DIP2A: variants seen among roughly 807,000 people sequenced by gnomAD.
DIP2A encodes disco-interacting protein 2 homolog A.
DIP2A carries 85 observed loss-of-function variants against 177.4 expected under a neutral mutation model. The observed-to-expected ratio is 0.48, with a 90% CI of 0.40 to 0.57. DIP2A has a LOEUF of 0.57. DIP2A is among the 20% of genes least tolerant of loss of function. The pLI is 0.00. For missense variants in DIP2A, 1,791 were observed against 2,100.2 expected, an observed-to-expected ratio of 0.85 and a Z score of 2.88; for synonymous variants, 886 against 881.8, an observed-to-expected ratio of 1.00 and a Z score of -0.08.
chr21:46,561,875 A>C (rs2060676549), intron 34 of DIP2A, 70 bp downstream of exon 34: 16 of 1,601,250 alleles, frequency 1.0e-5, no homozygotes, highest in Non-Finnish European at 1.4e-5. Context: ...CACCCCGTGG[A>C]GGGTGCTGGG....
intron 8 of DIP2A, among the ~76,000 whole-genome samples, chr21:46,514,617 C>CTTTTTTTTTTTTTTTTTTATTTTT: frequency 1.4e-5 from 1 of 70,528 alleles, no homozygotes; most frequent in Non-Finnish European, 2.5e-5. Flanking sequence ...AACTTTTATT[C>CTTTTTTTTTTTTTTTTTTATTTTT]TTTTTTTTTT....
At chr21:46,486,200 C>T (rs1568947373) in intron 2 of DIP2A, among the ~76,000 whole-genome samples, 2 of 151,998 alleles carry the variant, frequency 1.3e-5, no homozygotes, top group African/African-American at 4.8e-5. Context: ...GAAACACCAG[C>T]CATGTATGAT....
intron 2 of DIP2A, 124 bp from the exon 3 acceptor site, chr21:46,490,476 G>C: frequency 8.3e-7 from 1 of 1,209,332 alleles, no homozygotes; most frequent in South Asian, 1.6e-5. Context: ...CTGACTTCCA[G>C]ATTAAAGGCT....
At chr21:46,474,683 C>G (rs1480226175) in intron 1 of DIP2A, among the ~76,000 whole-genome samples, 1 of 152,124 alleles carries the variant, frequency 6.6e-6, no homozygotes, top group Non-Finnish European at 1.5e-5. Flanking sequence ...CACTGTGTTG[C>G]CTAGGCTGGT....
intron 1 of DIP2A, among the ~76,000 whole-genome samples, chr21:46,467,018 C>G (rs1317998715): frequency 6.6e-6 from 1 of 151,828 alleles, no homozygotes; most frequent in African/African-American, 2.4e-5. Context: ...TGAGTTAGGC[C>G]GGGCGCGGTG....
At chr21:46,486,418 T>A (rs2056701928) in intron 2 of DIP2A, among the ~76,000 whole-genome samples, 1 of 152,192 alleles carries the variant, frequency 6.6e-6, no homozygotes, top group Non-Finnish European at 1.5e-5. Context: ...GGTCTTGAAC[T>A]TCTGACCTCA....
intron 8 of DIP2A, among the ~76,000 whole-genome samples, chr21:46,519,572 A>G (rs2058730492): frequency 6.6e-6 from 1 of 152,192 alleles, no homozygotes; most frequent in African/African-American, 2.4e-5. Context: ...GAAAGGAGCT[A>G]AGTCAGAAAG....
rs6518297 is a variant in DIP2A, at chr21:46,505,334, C to T, written c.784+845C>T. ...TTTAAAGTGTACAGTTTCGGCTGGG[C>T]GCGGTGGCTCACACCTGTAATCCCA... On this transcript the variant is annotated intron_variant, in intron 6 of 37. Coordinates refer to ENST00000417564, the MANE Select transcript of DIP2A (RefSeq NM_015151.4). Among the ~76,000 whole-genome samples the T allele has an allele frequency of 7.4e-3, 1,124 of 152,126 alleles. 17 individuals are homozygous for T. The highest frequency in any genetic ancestry group is 0.026 in the African/African-American group (1,059 of 41,506).
At chr21:46,551,259 A>G (rs1263949494) in intron 23 of DIP2A, among the ~76,000 whole-genome samples, 2 of 152,202 alleles carry the variant, frequency 1.3e-5, no homozygotes, top group African/African-American at 4.8e-5. Flanking sequence ...GTACATGCCA[A>G]AGTTTTTTTT....
chr21:46,572,365 C>T (rs750030053), downstream of DIP2A, among the ~76,000 whole-genome samples: 1 of 151,178 alleles, frequency 6.6e-6, no homozygotes. Flanking sequence ...ACAGTAATGT[C>T]CTAGGCCTTC....
In DIP2A at chr21:46,556,227, T is replaced by A. The variant is rs1404504774; in HGVS notation, c.3498+136T>A. 1 of 1,421,830 alleles carries A rather than the reference T, an allele frequency of 7.0e-7. No individual in the cohort carries two copies. Among genetic ancestry groups the A allele is most frequent in the African/African-American group, 1.4e-5 (1 of 70,468 alleles). The allele number at this position is 1,421,830 out of a possible 1,614,324, so 88.1% of individuals were successfully genotyped here. ...AAGCAACAATTTTGCTTCTTAAGAT[T>A]TGTGTTAAATACCAATAAATGCTAA... On this transcript the variant is annotated intron_variant, in intron 29 of 37. Transcript: ENST00000417564. The surrounding 1 kb of genome is among the most constrained non-coding windows in gnomAD (Gnocchi z 4.5).
intron 6 of DIP2A, among the ~76,000 whole-genome samples, chr21:46,506,537 T>C (rs1432819895): frequency 6.6e-6 from 1 of 152,276 alleles, no homozygotes; most frequent in East Asian, 1.9e-4. Flanking sequence ...GTTGGTATTA[T>C]GTTTAAAAAA....
At chr21:46,500,926 TCCTA>T (rs2057614182) in intron 5 of DIP2A, among the ~76,000 whole-genome samples, 1 of 152,242 alleles carries the variant, frequency 6.6e-6, no homozygotes, top group Non-Finnish European at 1.5e-5. Context: ...TTCTTGTTAG[TCCTA>T]GCATCAACAT....
intron 8 of DIP2A, among the ~76,000 whole-genome samples, chr21:46,512,935 C>T (rs2058379662): frequency 6.6e-6 from 1 of 152,136 alleles, no homozygotes; most frequent in Admixed American, 6.5e-5. Context: ...GCTGGGATTA[C>T]AAGTGTGAGC....
intron 1 of DIP2A, among the ~76,000 whole-genome samples, chr21:46,461,558 A>G (rs779143206): frequency 3.3e-5 from 5 of 152,170 alleles, no homozygotes; most frequent in Admixed American, 6.5e-5. Context: ...GGCATTGACA[A>G]TTGAATCCTT....
At position 46,537,485 on chromosome 21, in the gene DIP2A, G is replaced by T; in HGVS notation, c.1747G>T (p.Ala583Ser). 6.2e-7 allele frequency: 1 copy of T among 1,614,160 alleles called. No homozygotes were observed. Residue 583 changes from alanine to serine, a missense_variant, in exon 15 of 38, where the codon GCG (alanine) becomes TCG (serine). Ala to Ser is a moderately conservative substitution (Grantham distance 99). Coordinates refer to ENST00000417564, the MANE Select transcript of DIP2A (RefSeq NM_015151.4). This position sits in a 1 kb window ranked among gnomAD's most constrained non-coding sequence, Gnocchi z 4.1. Reference protein sequence around the residue: ...NRMHVVSVPYALMKANPLSWI... With the variant: ...NRMHVVSVPYSLMKANPLSWI... ...GATGCACGTGGTCAGCGTCCCCTAC[G>T]CGCTGATGAAGGCGAACCCACTCTC...
intron 25 of DIP2A, among the ~76,000 whole-genome samples, chr21:46,552,404 A>G (rs953409145): frequency 2.0e-5 from 3 of 152,072 alleles, no homozygotes; most frequent in African/African-American, 7.2e-5. Flanking sequence ...TGTGCATTCC[A>G]CTGTGCTAGG....
chr21:46,553,004 C>T (rs2060327717), intron 25 of DIP2A: 1 of 152,350 alleles, frequency 6.6e-6, no homozygotes, highest in African/African-American at 2.4e-5. Context: ...CCCAGTGGCT[C>T]AAGGCAGGAA....
intron 18 of DIP2A, among the ~76,000 whole-genome samples, chr21:46,542,394 T>C (rs546830055): frequency 1.3e-5 from 2 of 152,200 alleles, no homozygotes; most frequent in African/African-American, 4.8e-5. Flanking sequence ...CTGAGGAAAA[T>C]GGTAATGTTT....
Sources: allele counts gnomAD v4.1 joint callset (sites outside exome capture counted in the v4.1 genomes callset), GRCh38; gene constraint gnomAD v4.1.1; non-coding constraint Gnocchi (gnomAD v3.1); transcripts MANE v1.5; gene names NCBI Gene and HGNC (gene_info 2026-07-23, HGNC 2026-07-21).